The following ASTN2 variants were observed in gnomAD, a reference collection of about 807,000 sequenced individuals.
The protein encoded by ASTN2 is astrotactin-2.
A neutral mutation model predicts 139.8 loss-of-function variants in ASTN2; 54 were observed. That is an observed-to-expected ratio of 0.39 (90% CI 0.31 to 0.48). The LOEUF is 0.48. ASTN2 is among the 20% of genes least tolerant of loss of function. ASTN2 has a pLI of 0.95. For missense variants in ASTN2, 1,565 were observed against 1,725.1 expected (o/e 0.91, Z 1.64); for synonymous variants, 756 against 719.5 (o/e 1.05, Z -0.81).
chr9:116,727,659 T>A (rs944611124), intron 15 of ASTN2, among the ~76,000 whole-genome samples: 5 of 152,090 alleles, frequency 3.3e-5, no homozygotes, highest in Admixed American at 6.6e-5. Context: ...TGTTAAGTAA[T>A]AAAAAACAAT....
At chr9:116,722,546 T>C (rs2132111830) in intron 16 of ASTN2, among the ~76,000 whole-genome samples, 1 of 151,846 alleles carries the variant, frequency 6.6e-6, no homozygotes, top group East Asian at 1.9e-4. Flanking sequence ...AGAGCTAGGG[T>C]GAAGGAAGAA....
intron 19 of ASTN2, among the ~76,000 whole-genome samples, chr9:116,507,664 A>C (rs1414817440): frequency 1.3e-5 from 2 of 151,374 alleles, no homozygotes; most frequent in Middle Eastern, 3.2e-3. Context: ...GTCCAGATTC[A>C]CTCCTCTCTT....
chr9:116,979,423 T>G (rs1836446538), intron 7 of ASTN2, among the ~76,000 whole-genome samples: 1 of 151,638 alleles, frequency 6.6e-6, no homozygotes, highest in Non-Finnish European at 1.5e-5. Context: ...CTGTAAGTAG[T>G]GCTACCTAAT....
chr9:117,214,307 C>T (rs767744252), intron 3 of ASTN2, 51 bp downstream of exon 3: 2 of 1,531,546 alleles, frequency 1.3e-6, no homozygotes, highest in African/African-American at 1.4e-5. Context: ...CACCTCTTCC[C>T]ATCTTTTCAA....
At chr9:116,964,218 T>TGG (rs751010287) in intron 10 of ASTN2, among the ~76,000 whole-genome samples, 11 of 68,496 alleles carry the variant, frequency 1.6e-4, no homozygotes, top group African/African-American at 5.9e-4. Flanking sequence ...TGCCCTGGGG[T>TGG]GTGTGTGTGT....
intron 5 of ASTN2, among the ~76,000 whole-genome samples, chr9:117,060,340 AAG>A (rs1240197845): frequency 5.4e-5 from 4 of 74,152 alleles, no homozygotes; most frequent in Non-Finnish European, 9.8e-5. Context: ...GAAAGAAAGA[AAG>A]AGAGAAAGAA....
chr9:117,344,488 T>C (rs72764171), intron 1 of ASTN2, among the ~76,000 whole-genome samples: 11,277 of 152,222 alleles, frequency 0.074, 556 homozygotes, highest in Non-Finnish European at 0.1. Flanking sequence ...CACAAACCAC[T>C]TGGTAAGCTA....
At chr9:116,600,394 C>G (rs1315677134) in intron 19 of ASTN2, among the ~76,000 whole-genome samples, 1 of 151,896 alleles carries the variant, frequency 6.6e-6, no homozygotes, top group Non-Finnish European at 1.5e-5. Context: ...AGCCATTCTT[C>G]CTGATCCCCT....
At chr9:116,827,389 C>A in intron 11 of ASTN2, among the ~76,000 whole-genome samples, 1 of 142,848 alleles carries the variant, frequency 7.0e-6, no homozygotes, top group Non-Finnish European at 1.5e-5. Flanking sequence ...AAAGAAATAA[C>A]AAAGATCAGA....
chr9:117,213,396 A>G (rs1832205281), intron 3 of ASTN2, among the ~76,000 whole-genome samples: 1 of 152,194 alleles, frequency 6.6e-6, no homozygotes, highest in African/African-American at 2.4e-5. Flanking sequence ...TATACCACTT[A>G]AAGATTACTT....
chr9:117,080,036 A>C (rs906994300), intron 5 of ASTN2, among the ~76,000 whole-genome samples: 1 of 120,024 alleles, frequency 8.3e-6, no homozygotes, highest in Non-Finnish European at 1.8e-5. Context: ...CCGCGAGGAC[A>C]CATAACTATG....
At chr9:117,112,230 A>G (rs1234860336) in intron 4 of ASTN2, among the ~76,000 whole-genome samples, 1 of 152,068 alleles carries the variant, frequency 6.6e-6, no homozygotes, top group Non-Finnish European at 1.5e-5. Context: ...TGAGTAAATG[A>G]AATACAAGTT....
At chr9:116,640,231 G>A (rs564074827) in intron 17 of ASTN2, among the ~76,000 whole-genome samples, 23 of 152,180 alleles carry the variant, frequency 1.5e-4, no homozygotes, top group African/African-American at 5.5e-4. Context: ...TGGGTTGGAT[G>A]CTTCTATAAT....
chr9:117,028,763 G>A (rs975253538), intron 6 of ASTN2, among the ~76,000 whole-genome samples: 1 of 152,182 alleles, frequency 6.6e-6, no homozygotes, highest in African/African-American at 2.4e-5. Context: ...GCCCAAAGCA[G>A]TCTGAAGACA....
chr9:116,511,895 T>C (rs1850402809), intron 19 of ASTN2, among the ~76,000 whole-genome samples: 1 of 152,198 alleles, frequency 6.6e-6, no homozygotes, highest in Admixed American at 6.5e-5. Flanking sequence ...CTTCTCTCTT[T>C]TGTTCTTTAT....
intron 19 of ASTN2, among the ~76,000 whole-genome samples, chr9:116,608,187 G>C (rs534575024): frequency 2.6e-5 from 4 of 152,302 alleles, no homozygotes; most frequent in African/African-American, 9.6e-5. Flanking sequence ...ATTACACTTC[G>C]TAAGATAGAG....
At chr9:117,167,478 C>A (rs1471257832) in intron 3 of ASTN2, among the ~76,000 whole-genome samples, 1 of 152,110 alleles carries the variant, frequency 6.6e-6, no homozygotes, top group Non-Finnish European at 1.5e-5. Flanking sequence ...CACAATGCCA[C>A]ACTAAGGAAA....
chr9:116,588,540 T>C (rs1854251511), intron 19 of ASTN2, among the ~76,000 whole-genome samples: 1 of 152,190 alleles, frequency 6.6e-6, no homozygotes, highest in Non-Finnish European at 1.5e-5. Flanking sequence ...TTTGAAACTA[T>C]GATGAGTTAA....
chr9:116,827,313 CA>C (rs141242698), intron 11 of ASTN2, among the ~76,000 whole-genome samples: 2,245 of 78,278 alleles, frequency 0.029, 11 homozygotes, highest in African/African-American at 0.045. Context: ...CCATCCCCCC[CA>C]AAAAAAAAAA....
Sources: allele counts gnomAD v4.1 joint callset (sites outside exome capture counted in the v4.1 genomes callset), GRCh38; gene constraint gnomAD v4.1.1; transcripts MANE v1.5; gene names NCBI Gene and HGNC (gene_info 2026-07-23, HGNC 2026-07-21).